Variants in NFIA observed in about 807,000 individuals in gnomAD.
NFIA encodes nuclear factor 1 A-type.
Under a neutral mutation model 62.8 loss-of-function variants are expected in NFIA, and 8 were observed. The ratio of observed to expected loss-of-function variants is 0.13; its 90% CI spans 0.07 to 0.23. NFIA has a LOEUF of 0.23. Ranked by LOEUF, NFIA falls within the 10% of genes least tolerant of loss-of-function variation. The probability of loss-of-function intolerance (pLI) is 1.00; values close to 1 mark genes in which losing one functional copy is unlikely to be tolerated. For missense variants in NFIA, 410 were observed against 642.1 expected (o/e 0.64, Z 3.91); for synonymous variants, 235 against 238.1 (o/e 0.99, Z 0.12).
chr1:61,149,057 C>CT (rs3067418), intron 2 of NFIA, among the ~76,000 whole-genome samples: 63 of 136,096 alleles, frequency 4.6e-4, no homozygotes, highest in African/African-American at 1.3e-3. Context: ...TTCTTTCTTT[C>CT]TTTTTTTTTT....
At chr1:61,422,833 A>G (rs969516122) in intron 9 of NFIA, among the ~76,000 whole-genome samples, 1 of 151,712 alleles carries the variant, frequency 6.6e-6, no homozygotes, top group Non-Finnish European at 1.5e-5. Flanking sequence ...TGTACCCCAC[A>G]GTGCCCCTAG....
rs980674757 is a variant in NFIA, at chr1:61,132,606, A to G, written c.559+43926A>G. 12 of 152,180 alleles carry G rather than the reference A, an allele frequency of 7.9e-5. No homozygotes were observed. The East Asian group carries it at 2.3e-3, about 29-fold the overall frequency. The allele number at this position is 152,180 out of a possible 1,614,324, so 9.4% of individuals were successfully genotyped here. ...AGGAAGCTGGTTGAATTCATTGACT[A>G]ACTCTGTTGCTGGCTAAAAAGACAA... On this transcript the variant is annotated intron_variant, in intron 2 of 10. Coordinates refer to ENST00000403491, the MANE Select transcript of NFIA (RefSeq NM_001134673.4).
chr1:61,381,979 T>A (rs1302974727), intron 6 of NFIA, among the ~76,000 whole-genome samples: 1 of 152,226 alleles, frequency 6.6e-6, no homozygotes, highest in Non-Finnish European at 1.5e-5. Flanking sequence ...AATATCATTA[T>A]GATTTTTATT....
chr1:61,269,081 C>G (rs577888369), intron 2 of NFIA, among the ~76,000 whole-genome samples: 1 of 152,156 alleles, frequency 6.6e-6, no homozygotes, highest in Admixed American at 6.5e-5. Context: ...AAGTAGAGTC[C>G]TAAAGTGTTT....
At chr1:61,408,121 A>G (rs1665935639) in intron 9 of NFIA, among the ~76,000 whole-genome samples, 1 of 152,236 alleles carries the variant, frequency 6.6e-6, no homozygotes. Flanking sequence ...TGCAGAAATG[A>G]GCAGCACTGT....
At chr1:61,098,951 G>A (rs1298762253) in intron 2 of NFIA, among the ~76,000 whole-genome samples, 1 of 152,186 alleles carries the variant, frequency 6.6e-6, no homozygotes, top group Non-Finnish European at 1.5e-5. Flanking sequence ...TGTATACACA[G>A]TTCTTTGGAG....
intron 2 of NFIA, among the ~76,000 whole-genome samples, chr1:61,184,125 CAAAAA>C (rs71050114): frequency 0.015 from 1,423 of 94,934 alleles, 18 homozygotes; most frequent in Middle Eastern, 0.094. Flanking sequence ...GAAAAAAAAC[CAAAAA>C]AAAAAAAAAA....
intron 2 of NFIA, among the ~76,000 whole-genome samples, chr1:61,264,369 C>A (rs940260583): frequency 5.9e-5 from 9 of 151,974 alleles, no homozygotes; most frequent in Admixed American, 5.2e-4. Flanking sequence ...TTTGACTGAG[C>A]GTGGTGACTC....
Position 61,082,585 on chromosome 1 carries a change from C to T in NFIA, c.-207C>T. Reference sequence around the variant, plus strand: ...CGGGGTTAAAGTTCAGCTCATGGAGCGGCAATAGCGCTGGCTGGCTGGCTG... The same window carrying T: ...CGGGGTTAAAGTTCAGCTCATGGAGTGGCAATAGCGCTGGCTGGCTGGCTG... On this transcript the variant is annotated 5_prime_UTR_variant, in exon 1 of 11. Transcript: ENST00000403491. 1.4e-6 allele frequency: 2 copies of T among 1,476,954 alleles called. No individual in the cohort carries two copies. The highest frequency in any genetic ancestry group is 4.6e-5 in the Admixed American group (2 of 43,834). The allele number at this position is 1,476,954 out of a possible 1,614,324, so 91.5% of individuals were successfully genotyped here.
intron 10 of NFIA, among the ~76,000 whole-genome samples, chr1:61,441,292 G>GGTGTGTGTGTGTGTGTGTGT (rs763246425): frequency 4.5e-4 from 63 of 139,446 alleles, no homozygotes; most frequent in African/African-American, 1.6e-3. Context: ...GCCGTGCAGG[G>GGTGTGTGTGTGTGTGTGTGT]GTGTGTGTGT....
chr1:61,380,695 A>G (rs1664372750), intron 6 of NFIA, among the ~76,000 whole-genome samples: 1 of 152,182 alleles, frequency 6.6e-6, no homozygotes, highest in South Asian at 2.1e-4. Context: ...TAAAAATTGA[A>G]AACACAAAGT....
chr1:61,214,475 T>C (rs1239084717), intron 2 of NFIA, among the ~76,000 whole-genome samples: 6 of 152,232 alleles, frequency 3.9e-5, no homozygotes, highest in Non-Finnish European at 8.8e-5. Flanking sequence ...CATTTATATA[T>C]CAGTTAACAG....
At chr1:61,289,900 T>C (rs1411654204) in intron 3 of NFIA, among the ~76,000 whole-genome samples, 2 of 152,164 alleles carry the variant, frequency 1.3e-5, no homozygotes, top group African/African-American at 4.8e-5. Flanking sequence ...TGCTGAGCAC[T>C]TGCAACAATC....
Position 61,462,024 on chromosome 1 carries a change from G to GTTTTTTTTTTTTTTTTTTTGT in NFIA, c.*6722_*6723insTGTTTTTTTTTTTTTTTTTTT, listed in dbSNP as rs368139522. On this transcript the variant is annotated 3_prime_UTR_variant, in exon 11 of 11. Transcript: ENST00000403491. The stretch of plus-strand genomic sequence containing the variant: ...ATAGTCTGTAAGTTAGCCTTTTTGG[G>GTTTTTTTTTTTTTTTTTTTGT]TTTTTTTTTTTTTTTTTTGGCTTTT... 14 of 73,168 alleles carry GTTTTTTTTTTTTTTTTTTTGT rather than the reference G, an allele frequency of 1.9e-4. No homozygotes were observed. Among genetic ancestry groups the GTTTTTTTTTTTTTTTTTTTGT allele is most frequent in the Middle Eastern group, 0.011 (1 of 94 alleles). 4.5% of individuals were successfully genotyped at this position (73,168 alleles called of 1,614,324 possible).
intron 10 of NFIA, among the ~76,000 whole-genome samples, chr1:61,435,365 C>G (rs1346245674): frequency 6.6e-6 from 1 of 152,132 alleles, no homozygotes; most frequent in African/African-American, 2.4e-5. Flanking sequence ...GGATTATTTT[C>G]CTCCCGTAAC....
At chr1:61,161,937 G>T (rs1570290654) in intron 2 of NFIA, among the ~76,000 whole-genome samples, 1 of 152,226 alleles carries the variant, frequency 6.6e-6, no homozygotes, top group East Asian at 1.9e-4. Context: ...AGTTAATGTA[G>T]AAAACAGGTA....
At chr1:61,260,867 C>G (rs545341910) in intron 2 of NFIA, among the ~76,000 whole-genome samples, 19 of 152,244 alleles carry the variant, frequency 1.2e-4, no homozygotes, top group African/African-American at 4.6e-4. Flanking sequence ...GGCGTGAGCC[C>G]CTGCGCCCGG....
At chr1:61,098,235 A>G (rs558862272) in intron 2 of NFIA, among the ~76,000 whole-genome samples, 68 of 152,320 alleles carry the variant, frequency 4.5e-4, no homozygotes, top group African/African-American at 1.4e-3. Context: ...TTGCTGATGG[A>G]AAACTGTGTA....
At chr1:61,118,646 T>C (rs1402879462) in intron 2 of NFIA, among the ~76,000 whole-genome samples, 4 of 149,978 alleles carry the variant, frequency 2.7e-5, no homozygotes, top group Admixed American at 2.7e-4. Flanking sequence ...GTGCAAAAAG[T>C]TTGGTCGGGA....
Sources: gnomAD v4.1 joint callset for allele counts (sites outside exome capture counted in the v4.1 genomes callset) on GRCh38, gnomAD v4.1.1 for gene constraint, MANE v1.5 for transcripts, NCBI Gene and HGNC (gene_info 2026-07-23, HGNC 2026-07-21) for gene names.